The following NEBL variants were observed in gnomAD, a reference collection of about 807,000 sequenced individuals.
NEBL encodes the protein nebulette.
A neutral mutation model predicts 140.2 loss-of-function variants in NEBL; 122 were observed. The observed-to-expected ratio is 0.87, with a 90% CI of 0.75 to 1.01. NEBL has a LOEUF of 1.01. Ranked by LOEUF, NEBL falls within the 50% of genes least tolerant of loss-of-function variation. NEBL has a pLI of 0.00. For synonymous variants in NEBL, 436 were observed against 398.9 expected (o/e 1.09, Z -1.11); for missense variants, 1,365 against 1,231.3 (o/e 1.11, Z -1.62).
At chr10:20,873,465 G>C (rs537010034) in intron 5 of NEBL, among the ~76,000 whole-genome samples, 158 of 151,918 alleles carry the variant, frequency 1.0e-3, no homozygotes, top group African/African-American at 3.7e-3. Flanking sequence ...GAACAAACAA[G>C]GAGGAGGAAG....
intron 10 of NEBL, among the ~76,000 whole-genome samples, chr10:20,851,172 T>C (rs538792839): frequency 3.3e-5 from 5 of 152,200 alleles, no homozygotes; most frequent in Non-Finnish European, 5.9e-5. Context: ...ATCACAATGG[T>C]TGGCTTTTTA....
intron 2 of NEBL, among the ~76,000 whole-genome samples, chr10:21,069,338 ATTC>A (rs1294109376): frequency 6.6e-6 from 1 of 152,218 alleles, no homozygotes; most frequent in East Asian, 1.9e-4. Context: ...CAGGCACACA[ATTC>A]TTCCTCATGG....
chr10:21,212,662 T>C (rs1841936817), intron 3 of NEBL, among the ~76,000 whole-genome samples: 3 of 152,216 alleles, frequency 2.0e-5, no homozygotes, highest in Admixed American at 2.0e-4. Context: ...TTACCACACC[T>C]GGCTCCTGAG....
intron 4 of NEBL, among the ~76,000 whole-genome samples, chr10:20,908,786 A>G (rs1450458886): frequency 6.6e-6 from 1 of 152,186 alleles, no homozygotes; most frequent in Non-Finnish European, 1.5e-5. Context: ...CTAATGTTAA[A>G]TGGACCAAGA....
At position 20,845,288 on chromosome 10, in the gene NEBL, A is replaced by C. The variant is rs903764018; in HGVS notation, c.1197T>G (p.His399Gln). Residue 399 changes from histidine to glutamine, a missense_variant, in exon 12 of 28, where the codon CAT becomes CAG. His to Gln is a conservative substitution (Grantham distance 24). Around this residue, in one of 2 missense-constraint regions of NEBL, gnomAD observed 1,323 missense variants for 1,154.8 expected, o/e 1.15. Coordinates refer to ENST00000377122, the MANE Select transcript of NEBL (RefSeq NM_006393.3). Reference protein sequence around the residue: ...LDLDKTPEFLHVKYITNLLRE... With the variant: ...LDLDKTPEFLQVKYITNLLRE... ...TCAGAAGGTTGGTGATGTACTTTACATGTAAAAATTCTGGAGTCTTGTCTA... is the reference window on the plus strand; with the variant it reads ...TCAGAAGGTTGGTGATGTACTTTACCTGTAAAAATTCTGGAGTCTTGTCTA... 6.3e-7 allele frequency: 1 copy of C among 1,594,200 alleles called. No homozygotes were observed. Among genetic ancestry groups the C allele is most frequent in the Admixed American group, 1.7e-5 (1 of 59,904 alleles).
chr10:21,263,651 T>C (rs928736666), intron 1 of NEBL, among the ~76,000 whole-genome samples: 6 of 152,164 alleles, frequency 3.9e-5, no homozygotes, highest in Non-Finnish European at 7.3e-5. Context: ...TAGCTTGGCC[T>C]ACGTGCAGAG....
intron 3 of NEBL, among the ~76,000 whole-genome samples, chr10:21,223,970 C>T (rs1027939218): frequency 7.2e-5 from 11 of 152,156 alleles, no homozygotes; most frequent in Admixed American, 6.5e-4. Flanking sequence ...TATTTTCTCC[C>T]ATTTTGCAGA....
intron 4 of NEBL, 24 bp downstream of exon 4, chr10:20,888,073 T>G: frequency 6.8e-7 from 1 of 1,471,516 alleles, no homozygotes; most frequent in Non-Finnish European, 9.5e-7. Context: ...TACAAAATCA[T>G]GAAACACTTT....
At chr10:21,202,710 C>T (rs1841760777) in intron 3 of NEBL, among the ~76,000 whole-genome samples, 1 of 152,166 alleles carries the variant, frequency 6.6e-6, no homozygotes. Context: ...GATCGCCCGT[C>T]TCGGCCTCCC....
upstream of NEBL, chr10:21,174,662 G>A (rs1841254569): frequency 6.6e-6 from 1 of 152,232 alleles, no homozygotes. Flanking sequence ...CCAAGGGCCG[G>A]GAGATCCGCG....
chr10:20,818,857 G>A (rs1407637940), intron 20 of NEBL: 1 of 990,342 alleles, frequency 1.0e-6, no homozygotes, highest in Non-Finnish European at 1.2e-6. Context: ...AATGTGAAAA[G>A]GAACATCCAA....
At chr10:20,985,129 G>A (rs1385577031) in intron 3 of NEBL, among the ~76,000 whole-genome samples, 2 of 152,140 alleles carry the variant, frequency 1.3e-5, no homozygotes, top group East Asian at 3.9e-4. Flanking sequence ...TAGACATAAA[G>A]TGTACAATAA....
chr10:21,152,933 C>T (rs1010112631), intron 2 of NEBL, among the ~76,000 whole-genome samples: 2 of 152,174 alleles, frequency 1.3e-5, no homozygotes, highest in Non-Finnish European at 2.9e-5. Flanking sequence ...ACCAGCACCA[C>T]CTTATGTACT....
At chr10:20,940,091 G>A (rs1288702774) in intron 4 of NEBL, among the ~76,000 whole-genome samples, 2 of 152,062 alleles carry the variant, frequency 1.3e-5, no homozygotes, top group Admixed American at 1.3e-4. Flanking sequence ...GGACTTAATA[G>A]ACATCTACAG....
chr10:21,082,438 ATTCT>A (rs564975311), intron 2 of NEBL, among the ~76,000 whole-genome samples: 77 of 151,780 alleles, frequency 5.1e-4, no homozygotes, highest in African/African-American at 1.8e-3. Context: ...AGGAAACATC[ATTCT>A]GGCAACTTAC....
At chr10:21,190,654 A>G (rs1841557080) in intron 3 of NEBL, among the ~76,000 whole-genome samples, 1 of 152,256 alleles carries the variant, frequency 6.6e-6, no homozygotes. Context: ...CTTGGGTGTT[A>G]TAATCTGCTT....
intron 3 of NEBL, among the ~76,000 whole-genome samples, chr10:20,995,408 T>C (rs1417074144): frequency 6.6e-6 from 1 of 152,056 alleles, no homozygotes; most frequent in African/African-American, 2.4e-5. Flanking sequence ...TCACTGTCAT[T>C]TTTGTACAAA....
chr10:21,113,684 A>G (rs749978623), intron 2 of NEBL, among the ~76,000 whole-genome samples: 1 of 152,070 alleles, frequency 6.6e-6, no homozygotes, highest in Non-Finnish European at 1.5e-5. Flanking sequence ...GTAAAAATGG[A>G]ACTCCTCCCT....
chr10:20,878,268 T>A (rs543127977), intron 5 of NEBL, among the ~76,000 whole-genome samples: 1 of 152,254 alleles, frequency 6.6e-6, no homozygotes, highest in African/African-American at 2.4e-5. Context: ...ATATTAGAAA[T>A]CTGACTTGAT....
Sources: gnomAD v4.1 joint callset for allele counts (sites outside exome capture counted in the v4.1 genomes callset) on GRCh38, gnomAD v4.1.1 for gene constraint, gnomAD v4.1.1 regional missense constraint, MANE v1.5 for transcripts, NCBI Gene and HGNC (gene_info 2026-07-23, HGNC 2026-07-21) for gene names.